Variants in INPPL1 observed in about 807,000 individuals in gnomAD.
INPPL1 encodes phosphatidylinositol 3,4,5-trisphosphate 5-phosphatase 2.
A neutral mutation model predicts 139.3 loss-of-function variants in INPPL1; 91 were observed. That is an observed-to-expected ratio of 0.65 (90% CI 0.55 to 0.78). INPPL1 has a LOEUF of 0.78. INPPL1 is among the 30% of genes least tolerant of loss of function. The pLI, the probability that INPPL1 is intolerant of heterozygous loss-of-function variation, is 0.00. For synonymous variants in INPPL1, 719 were observed against 686.6 expected, an observed-to-expected ratio of 1.05 and a Z score of -0.74; for missense variants, 1,411 against 1,665.6, an observed-to-expected ratio of 0.85 and a Z score of 2.66.
chr11:72,238,187 GC>G lies in INPPL1; in HGVS notation c.3686+13del. 1 of 1,609,392 alleles carries G rather than the reference GC, an allele frequency of 6.2e-7. No individual in the cohort carries two copies. The highest frequency in any genetic ancestry group is 8.5e-7 in the Non-Finnish European group (1 of 1,177,762). On this transcript the variant is annotated intron_variant, in intron 27 of 27. Transcript: ENST00000298229. ...CTGGAGTTTCTCAGGTGGGGGAGGG[GC>G]TGGCCCCGGGGGCGGAGCTGGGGCC...
At position 72,228,942 on chromosome 11, in the gene INPPL1, A is replaced by C; in HGVS notation, c.518+95A>C. On this transcript the variant is annotated intron_variant, in intron 4 of 27. Transcript: ENST00000298229. This position sits in a 1 kb window ranked among gnomAD's most constrained non-coding sequence, Gnocchi z 5.0. ...TGGGGAGGCCTTCTAAGACCCCACC[A>C]GGGACCCCCACCCCACCTCAGCCCA... The C allele has an allele frequency of 2.0e-6, 3 of 1,519,816 alleles. No homozygotes were observed. The highest frequency in any genetic ancestry group is 2.6e-6 in the Non-Finnish European group (3 of 1,132,856). 94.1% of individuals were successfully genotyped at this position (1,519,816 alleles called of 1,614,324 possible). A position where few individuals can be genotyped will look rare whatever the true frequency, so the allele number is the denominator to read the frequency against.
At chr11:72,233,817 T>A in intron 19 of INPPL1, 73 bp downstream of exon 19, 1 of 1,175,772 alleles carries the variant, frequency 8.5e-7, no homozygotes, top group African/African-American at 1.5e-5. Flanking sequence ...GGGATGTACA[T>A]AGGTTTGACT....
chr11:72,235,672 C>CA lies in INPPL1; in HGVS notation c.2660-2dup. The CA allele has an allele frequency of 2.5e-6, 4 of 1,613,932 alleles. No individual in the cohort carries two copies. The highest frequency in any genetic ancestry group is 3.4e-6 in the Non-Finnish European group (4 of 1,179,930). On this transcript the variant is annotated splice_polypyrimidine_tract_variant and splice_region_variant and intron_variant, in intron 23 of 27. Coordinates refer to ENST00000298229, the MANE Select transcript of INPPL1 (RefSeq NM_001567.4). The surrounding 1 kb of genome is among the most constrained non-coding windows in gnomAD (Gnocchi z 4.9). ...CTCTGAGTCTCCCTTCCTGCCCCCT[C>CA]AGAGTGGATCAGCATTGATAAGGAT... is the stretch of plus-strand genomic sequence containing the variant.
intron 10 of INPPL1, 25 bp downstream of exon 10, chr11:72,230,493 A>T (rs765389463): frequency 3.1e-6 from 5 of 1,606,424 alleles, no homozygotes. Context: ...GGGCCAGGCC[A>T]CTGGGGACTG....
At chr11:72,232,510 G>A (rs1170044302) in intron 14 of INPPL1, 116 bp from the exon 15 acceptor site, 4 of 1,369,960 alleles carry the variant, frequency 2.9e-6, no homozygotes, top group South Asian at 1.3e-5. Context: ...GTCCCCAGGG[G>A]CCCGGATCTT....
Position 72,229,211 on chromosome 11 carries a change from T to G in INPPL1, c.640T>G (p.Ser214Ala). ...CCACCTCACCCGTACCCTCGCTACCTCATGCCGGAGGCTGCACAGGTATCT... is the reference window on the plus strand; with the variant it reads ...CCACCTCACCCGTACCCTCGCTACCGCATGCCGGAGGCTGCACAGGTATCT... ...LPHLTRTLAT[S>A]CRRLHSEVDK... The change falls in exon 5 of 28, where the codon TCA becomes GCA. Residue 214 changes from serine to alanine, a missense_variant. Coordinates refer to ENST00000298229, the MANE Select transcript of INPPL1 (RefSeq NM_001567.4). 3 of 1,611,150 alleles carry G rather than the reference T, an allele frequency of 1.9e-6. No homozygotes were observed. The South Asian group carries it at 3.3e-5, about 18-fold the overall frequency.
At chr11:72,229,295 G>A (rs1045338797) in intron 5 of INPPL1, 65 bp downstream of exon 5, 149 of 1,506,914 alleles carry the variant, frequency 9.9e-5, no homozygotes, top group African/African-American at 3.0e-4. Context: ...CCTGCTTCCC[G>A]GCTGCACAGG....
rs1384489534 is a variant in INPPL1 at position 72,235,213 on chromosome 11, G to A, written c.2503+10G>A. The A allele has an allele frequency of 1.2e-6, 2 of 1,613,854 alleles. No individual in the cohort carries two copies. The highest frequency in any genetic ancestry group is 1.3e-5 in the African/African-American group (1 of 74,866). ...GGCTATGAATCCTATGGTGAGGGGT[G>A]AGGGGTGCTGAGGGGAACAGGAAGC... On this transcript the variant is annotated intron_variant, in intron 22 of 27. Transcript: ENST00000298229. The surrounding 1 kb of genome is among the most constrained non-coding windows in gnomAD (Gnocchi z 4.9).
chr11:72,223,749 C>T (rs1300106757), upstream of INPPL1: 1 of 151,708 alleles, frequency 6.6e-6, no homozygotes, highest in African/African-American at 2.4e-5. Flanking sequence ...CGCGCCGCGA[C>T]TTGCCCGAGG....
At position 72,234,953 on chromosome 11, in the gene INPPL1, T is replaced by C. The variant is rs2135439815; in HGVS notation, c.2416-163T>C. ...GTGCTGTAAAAGGCCTGTATAGGGC[T>C]GTGTCTTCTGCATTAAGGATTTGGC... is the stretch of plus-strand genomic sequence containing the variant. On this transcript the variant is annotated intron_variant, in intron 21 of 27. Coordinates refer to ENST00000298229, the MANE Select transcript of INPPL1 (RefSeq NM_001567.4). The surrounding 1 kb of genome is among the most constrained non-coding windows in gnomAD (Gnocchi z 4.2). Among the ~76,000 whole-genome samples, 1 of 152,270 alleles carries C rather than the reference T, an allele frequency of 6.6e-6. No homozygotes were observed. The highest frequency in any genetic ancestry group is 1.9e-4 in the East Asian group (1 of 5,180).
chr11:72,237,647 T>TG lies in INPPL1; in HGVS notation c.3403_3404insG (p.Tyr1135Ter), dbSNP rs908904558. The TG allele has an allele frequency of 6.2e-6, 10 of 1,611,188 alleles. No homozygotes were observed. The highest frequency in any genetic ancestry group is 8.5e-6 in the Non-Finnish European group (10 of 1,178,808). ...QMAKTLSEVDYAPAGPARSAL... is the reference protein window; with the variant it reads ...QMAKTLSEVD ...GGCCAAGACGCTGAGCGAGGTGGAC[T>TG]ATGCCCCTGCTGGGCCTGCACGCTC... is the stretch of plus-strand genomic sequence containing the variant. Residue 1135 changes from tyrosine (Y) to a stop codon, truncating the protein, a stop_gained and frameshift_variant, in exon 26 of 28, where the codon TAT becomes TGAT. Coordinates refer to ENST00000298229, the MANE Select transcript of INPPL1 (RefSeq NM_001567.4). LOFTEE classifies it high-confidence loss of function.
rs1565394023 is a variant in INPPL1 at position 72,234,394 on chromosome 11, G to A, written c.2326G>A (p.Glu776Lys). Residue 776 changes from glutamate (E) to lysine (K), a missense_variant and splice_region_variant, in exon 20 of 28, where the codon GAA becomes AAA. Around this residue, in one of 5 missense-constraint regions of INPPL1, gnomAD observed 363 missense variants for 446.2 expected, o/e 0.81. Coordinates refer to ENST00000298229, the MANE Select transcript of INPPL1 (RefSeq NM_001567.4). This position sits in a 1 kb window ranked among gnomAD's most constrained non-coding sequence, Gnocchi z 4.2. ...CGAGTTCTACTCTACCTGCCTGGAG[G>A]GTCAGAGGCGTGGCAGGGGCTGGGT... is the stretch of plus-strand genomic sequence containing the variant. ...FIEFYSTCLE[E>K]YKKSFENDAQ... 1 of 1,613,460 alleles carries A rather than the reference G, an allele frequency of 6.2e-7. No individual in the cohort carries two copies. The highest frequency in any genetic ancestry group is 2.2e-5 in the East Asian group (1 of 44,866).
chr11:72,238,444 A>C lies in INPPL1; in HGVS notation c.*91A>C. 4 of 1,069,452 alleles carry C rather than the reference A, an allele frequency of 3.7e-6. No individual in the cohort carries two copies. Among genetic ancestry groups the C allele is most frequent in the Non-Finnish European group, 5.2e-6 (4 of 762,262 alleles). The allele number at this position is 1,069,452 out of a possible 1,614,324, so 66.2% of individuals were successfully genotyped here. On this transcript the variant is annotated 3_prime_UTR_variant, in exon 28 of 28. Transcript: ENST00000298229. Reference sequence around the variant, plus strand: ...CCAGGGTTGAAAAGTTATGAGGGTCAGGGCAGTATCTCTCTGCCTATTTAT... The same window carrying C: ...CCAGGGTTGAAAAGTTATGAGGGTCCGGGCAGTATCTCTCTGCCTATTTAT...
upstream of INPPL1, among the ~76,000 whole-genome samples, chr11:72,224,191 A>C (rs1337657240): frequency 6.6e-6 from 1 of 151,912 alleles, no homozygotes; most frequent in Non-Finnish European, 1.5e-5. Context: ...CAGAGTAAGA[A>C]TCTTCAGAAG....
chr11:72,225,459 G>A, intron 1 of INPPL1: 1 of 985,406 alleles, frequency 1.0e-6, no homozygotes, highest in Non-Finnish European at 1.2e-6. Context: ...GACCCCTTCA[G>A]GCATCCTCCA....
Position 72,237,626 on chromosome 11 carries a change from A to C in INPPL1, c.3382A>C (p.Lys1128Gln), listed in dbSNP as rs1949028393. ...GTCCTGCTCGGTGCTGCAGATGGCC[A>C]AGACGCTGAGCGAGGTGGACTATGC... is the stretch of plus-strand genomic sequence containing the variant. ...DRSCSVLQMA[K>Q]TLSEVDYAPA... The change falls in exon 26 of 28, where the codon AAG (lysine) becomes CAG (glutamine). Residue 1128 changes from lysine to glutamine, a missense_variant. Lys to Gln is a moderately conservative substitution (Grantham distance 53). Around this residue, in one of 5 missense-constraint regions of INPPL1, gnomAD observed 438 missense variants for 425.7 expected, o/e 1.03. Transcript: ENST00000298229. 1 of 1,606,916 alleles carries C rather than the reference A, an allele frequency of 6.2e-7. No homozygotes were observed. The highest frequency in any genetic ancestry group is 8.5e-7 in the Non-Finnish European group (1 of 1,175,696).
chr11:72,236,825 CT>C (rs1565396977), intron 25 of INPPL1, among the ~76,000 whole-genome samples: 1 of 152,198 alleles, frequency 6.6e-6, no homozygotes, highest in Admixed American at 6.5e-5. Context: ...CTTGCCCTGT[CT>C]TCTGGCACCT....
In INPPL1 at chr11:72,235,962, C is replaced by A; in HGVS notation, c.2855C>A (p.Pro952His). ...GRPPAPPRAA[P>H]REEPLTPRLK... ...CCCCCAGCCCCACCCCGAGCAGCTC[C>A]CCGGGAGGAGCCCTTGACCCCCAGG... is the stretch of plus-strand genomic sequence containing the variant. Residue 952 changes from proline to histidine, a missense_variant, in exon 25 of 28, where the codon CCC (proline) becomes CAC (histidine). Transcript: ENST00000298229. The surrounding 1 kb of genome is among the most constrained non-coding windows in gnomAD (Gnocchi z 4.9). 6.2e-7 allele frequency: 1 copy of A among 1,602,694 alleles called. No homozygotes were observed. The highest frequency in any genetic ancestry group is 8.5e-7 in the Non-Finnish European group (1 of 1,175,224).
In INPPL1 at chr11:72,228,191, T is replaced by C. The variant is rs749597942; in HGVS notation, c.184T>C (p.Tyr62His). ...VAGAFALCVL[Y>H]QKHVHTYRIL... ...ATTCTGGCCCTGCCTTGGCATCAGG[T>C]ATCAGAAGCATGTGCACACGTATCG... The change falls in exon 2 of 28, where the codon TAT becomes CAT. Residue 62 changes from tyrosine to histidine, a missense_variant and splice_region_variant. Physicochemically the swap from Tyr to His is moderately conservative, Grantham distance 83 (BLOSUM62 2). Around this residue, in one of 5 missense-constraint regions of INPPL1, gnomAD observed 504 missense variants for 595.6 expected, o/e 0.85. Transcript: ENST00000298229. The surrounding 1 kb of genome is among the most constrained non-coding windows in gnomAD (Gnocchi z 5.0). 1 of 1,614,052 alleles carries C rather than the reference T, an allele frequency of 6.2e-7. No homozygotes were observed. Among genetic ancestry groups the C allele is most frequent in the South Asian group, 1.1e-5 (1 of 91,078 alleles).
Sources: allele counts gnomAD v4.1 joint callset (sites outside exome capture counted in the v4.1 genomes callset), GRCh38; gene constraint gnomAD v4.1.1; regional missense constraint gnomAD v4.1.1; non-coding constraint Gnocchi (gnomAD v3.1); transcripts MANE v1.5; gene names NCBI Gene and HGNC (gene_info 2026-07-23, HGNC 2026-07-21).